Variants in OAS3 observed in about 807,000 individuals in gnomAD.
OAS3 encodes 2'-5'-oligoadenylate synthase 3.
A neutral mutation model predicts 113.0 loss-of-function variants in OAS3; 107 were observed. The ratio of observed to expected loss-of-function variants is 0.95; its 90% CI spans 0.81 to 1.11. The LOEUF (loss-of-function observed/expected upper bound fraction) is 1.11, where lower values mean the gene tolerates loss of function less well. Ranked by LOEUF, OAS3 falls within the 50% of genes most tolerant of loss-of-function variation. The pLI is 0.00. For missense variants in OAS3, 1,258 were observed against 1,389.1 expected (o/e 0.91, Z 1.50); for synonymous variants, 552 against 573.6 (o/e 0.96, Z 0.54).
rs184925142 is a variant in OAS3, at chr12:112,960,924, T to A, written c.1658-147T>A. ...GATACTGAAAAAATGATAGCTCTGA[T>A]TGTTATTCAATGTTATAGTGTATTA... On this transcript the variant is annotated intron_variant, in intron 7 of 15. Transcript: ENST00000228928. 1.3e-4 allele frequency: 102 copies of A among 811,186 alleles called. 1 individual carries two copies. The Admixed American group carries it at 2.2e-3, about 17-fold the overall frequency. The allele number at this position is 811,186 out of a possible 1,614,324, so 50.2% of individuals were successfully genotyped here. A position where few individuals can be genotyped will look rare whatever the true frequency, so the allele number is the denominator to read the frequency against.
Position 112,950,984 on chromosome 12 carries a change from GC to G in OAS3, c.1657+12del. The G allele has an allele frequency of 6.2e-7, 1 of 1,610,448 alleles. No homozygotes were observed. Among genetic ancestry groups the G allele is most frequent in the Non-Finnish European group, 8.5e-7 (1 of 1,178,336 alleles). On this transcript the variant is annotated intron_variant, in intron 7 of 15. Coordinates refer to ENST00000228928, the MANE Select transcript of OAS3 (RefSeq NM_006187.4). Reference sequence around the variant, plus strand: ...TGCCTTCGATGCTGTGGGTGAGGGCGCCCAGCCTGTCCCTTGGAGAGTGATA... The same window carrying G: ...TGCCTTCGATGCTGTGGGTGAGGGCGCCAGCCTGTCCCTTGGAGAGTGATA...
At chr12:112,941,998 C>G in intron 2 of OAS3, 146 bp downstream of exon 2, 1 of 958,356 alleles carries the variant, frequency 1.0e-6, no homozygotes, top group Non-Finnish European at 1.6e-6. Context: ...GGGGACTAAA[C>G]ATATTGGACT....
chr12:112,948,938 C>T lies in OAS3; in HGVS notation c.1107C>T (p.Ser369=). ...LDPNQKTPEN[S]KSLNAVYPRA... is the part of the protein sequence containing the mutation. ...CTAACCAGAAGACCCCTGAAAACAG[C>T]AAGAGCCTCAATGCTGTGTACCCAA... Residue 369 remains serine (S), a synonymous_variant, in exon 6 of 16, where the codon AGC becomes AGT. Transcript: ENST00000228928. 1 of 1,612,548 alleles carries T rather than the reference C, an allele frequency of 6.2e-7. No individual in the cohort carries two copies. The highest frequency in any genetic ancestry group is 8.5e-7 in the Non-Finnish European group (1 of 1,179,300).
At chr12:112,966,386 T>A (rs2043934466) in intron 12 of OAS3, among the ~76,000 whole-genome samples, 1 of 152,190 alleles carries the variant, frequency 6.6e-6, no homozygotes, top group Non-Finnish European at 1.5e-5. Context: ...TTCCCAGCTT[T>A]GAATGGTTTG....
intron 8 of OAS3, among the ~76,000 whole-genome samples, chr12:112,962,338 G>C (rs1047010217): frequency 9.9e-5 from 15 of 152,232 alleles, no homozygotes; most frequent in African/African-American, 3.6e-4. Context: ...AAAGGCTGCT[G>C]ATGGATGGAT....
intron 7 of OAS3, among the ~76,000 whole-genome samples, chr12:112,952,538 T>G (rs1459220028): frequency 2.1e-5 from 3 of 141,266 alleles, no homozygotes; most frequent in Non-Finnish European, 4.7e-5. Context: ...ATTTCTTTTG[T>G]TTTTGTTTTT....
At position 112,967,926 on chromosome 12, in the gene OAS3, C is replaced by T. The variant is rs760459927; in HGVS notation, c.2866-10C>T. On this transcript the variant is annotated splice_polypyrimidine_tract_variant and intron_variant, in intron 13 of 15. Coordinates refer to ENST00000228928, the MANE Select transcript of OAS3 (RefSeq NM_006187.4). Reference sequence around the variant, plus strand: ...ATATGAACCAACATATCTTTCTTCTCGTTCTCCAGTGTACCAAGATCTCCA... The same window carrying T: ...ATATGAACCAACATATCTTTCTTCTTGTTCTCCAGTGTACCAAGATCTCCA... 7.5e-5 allele frequency: 120 copies of T among 1,610,340 alleles called. No homozygotes were observed. The highest frequency in any genetic ancestry group is 9.2e-5 in the Non-Finnish European group (108 of 1,177,760).
At position 112,961,691 on chromosome 12, in the gene OAS3, C is replaced by G. The variant is rs116107330; in HGVS notation, c.1833+445C>G. 4.2e-3 allele frequency among the ~76,000 whole-genome samples: 633 copies of G among 152,284 alleles called. 5 individuals carry two copies. Among genetic ancestry groups the G allele is most frequent in the African/African-American group, 0.014 (601 of 41,554 alleles). ...ACCAGAGCACTTGAACAGAAAAGAT[C>G]TGAACAGAAAAGCTGATGACTCCTT... On this transcript the variant is annotated intron_variant, in intron 8 of 15. Transcript: ENST00000228928.
Position 112,950,750 on chromosome 12 carries a change from A to G in OAS3, c.1432A>G (p.Ile478Val), listed in dbSNP as rs774809340. The G allele has an allele frequency of 8.7e-6, 14 of 1,613,852 alleles. No individual in the cohort carries two copies. Among genetic ancestry groups the G allele is most frequent in the Non-Finnish European group, 1.1e-5 (13 of 1,179,894 alleles). Residue 478 changes from isoleucine to valine, a missense_variant, in exon 7 of 16, where the codon ATC becomes GTC. Coordinates refer to ENST00000228928, the MANE Select transcript of OAS3 (RefSeq NM_006187.4). Reference sequence around the variant, plus strand: ...GGATGGCTGTGATGTTGAACTCATCATCTTCCTCAACTGCTTCACGGACTA... The same window carrying G: ...GGATGGCTGTGATGTTGAACTCATCGTCTTCCTCAACTGCTTCACGGACTA... ...LRDGCDVELI[I>V]FLNCFTDYKD...
chr12:112,941,478 C>T (rs1004798169), intron 1 of OAS3, 92 bp from the exon 2 acceptor site: 1 of 1,413,070 alleles, frequency 7.1e-7, no homozygotes, highest in Non-Finnish European at 9.8e-7. Flanking sequence ...CAGTCTCTCC[C>T]CAGCACACTT....
intron 2 of OAS3, 116 bp downstream of exon 2, chr12:112,941,968 C>G: frequency 7.8e-7 from 1 of 1,288,568 alleles, no homozygotes; most frequent in Non-Finnish European, 1.1e-6. Context: ...CAGCCTCTAC[C>G]CCTCTCTCAG....
At chr12:112,960,734 G>T (rs1287832473) in intron 7 of OAS3, among the ~76,000 whole-genome samples, 1 of 152,092 alleles carries the variant, frequency 6.6e-6, no homozygotes, top group African/African-American at 2.4e-5. Context: ...TGTCTCCAAA[G>T]CTCACTCCTT....
At chr12:112,955,644 C>G (rs1174824352) in intron 7 of OAS3, among the ~76,000 whole-genome samples, 1 of 152,192 alleles carries the variant, frequency 6.6e-6, no homozygotes, top group Non-Finnish European at 1.5e-5. Flanking sequence ...GTATGTTGAA[C>G]CAGCCTTGCA....
intron 7 of OAS3, among the ~76,000 whole-genome samples, chr12:112,951,902 C>A (rs1182603849): frequency 6.6e-6 from 1 of 150,798 alleles, no homozygotes; most frequent in Non-Finnish European, 1.5e-5. Context: ...ATCCCAGCTA[C>A]TCGGGAGACT....
chr12:112,950,528 T>G, intron 6 of OAS3, 165 bp from the exon 7 acceptor site: 1 of 745,900 alleles, frequency 1.3e-6, no homozygotes, highest in South Asian at 1.8e-5. Context: ...GTCACAATTC[T>G]AAGAGGTCAC....
chr12:112,944,417 C>A (rs1022964182), intron 2 of OAS3, 59 bp from the exon 3 acceptor site: 3 of 1,593,652 alleles, frequency 1.9e-6, no homozygotes, highest in Non-Finnish European at 2.6e-6. Flanking sequence ...GGCACCAACA[C>A]CGCCCTCCAT....
chr12:112,938,824 C>A, intron 1 of OAS3, 117 bp downstream of exon 1: 1 of 838,418 alleles, frequency 1.2e-6, no homozygotes, highest in Non-Finnish European at 1.7e-6. Flanking sequence ...TCATTCATTT[C>A]TTTAACAAAT....
At chr12:112,951,839 CAAAAAAAAAAAAAAAA>C (rs3038125) in intron 7 of OAS3, among the ~76,000 whole-genome samples, 2 of 105,724 alleles carry the variant, frequency 1.9e-5, no homozygotes, top group African/African-American at 3.7e-5. Flanking sequence ...ACTAAAAATA[CAAAAAAAAAAAAAAAA>C]AAAAAAAATA....
At position 112,946,938 on chromosome 12, in the gene OAS3, C is replaced by T; in HGVS notation, c.832C>T (p.Pro278Ser). Reference protein sequence around the residue: ...FWTVNYGFEDPAVGQFLQRQL... With the variant: ...FWTVNYGFEDSAVGQFLQRQL... The stretch of plus-strand genomic sequence containing the variant: ...GACTGTCAACTATGGCTTCGAGGAC[C>T]CTGCAGTTGGGCAGTTCTTGCAGCG... The change falls in exon 4 of 16, where the codon CCT becomes TCT. Residue 278 changes from proline to serine, a missense_variant. By Grantham distance (74) the Pro-to-Ser change is moderately conservative (BLOSUM62 -1). Transcript: ENST00000228928. The T allele has an allele frequency of 6.2e-7, 1 of 1,613,988 alleles. No individual in the cohort carries two copies. Among genetic ancestry groups the T allele is most frequent in the Non-Finnish European group, 8.5e-7 (1 of 1,179,872 alleles).
Sources: gnomAD v4.1 joint callset for allele counts (sites outside exome capture counted in the v4.1 genomes callset) on GRCh38, gnomAD v4.1.1 for gene constraint, MANE v1.5 for transcripts, NCBI Gene and HGNC (gene_info 2026-07-23, HGNC 2026-07-21) for gene names.